Variants in JADE3 observed in about 807,000 individuals in gnomAD.
The protein encoded by JADE3 is jade family PHD finger 3.
JADE3 carries 2 observed loss-of-function variants against 50.1 expected under a neutral mutation model. The ratio of observed to expected loss-of-function variants is 0.04; its 90% CI spans 0.02 to 0.13. The LOEUF is 0.13. Among genes scored for constraint, JADE3 ranks in the 10% least tolerant of loss-of-function variants. The pLI is 1.00. For synonymous variants in JADE3, 218 were observed against 232.9 expected (o/e 0.94, Z 0.58); for missense variants, 475 against 634.4 (o/e 0.75, Z 2.70).
At chrX:46,999,452 A>T (rs1928226993) in intron 4 of JADE3, among the ~76,000 whole-genome samples, 2 of 104,986 alleles carry the variant, frequency 1.9e-5, no homozygotes, top group South Asian at 3.9e-4. Flanking sequence ...TATATATATA[A>T]CATATATATA....
chrX:46,980,000 C>T (rs1927709004), intron 1 of JADE3, among the ~76,000 whole-genome samples: 1 of 106,985 alleles, frequency 9.3e-6, no homozygotes, highest in Non-Finnish European at 1.9e-5. Context: ...ATGCCTCAGC[C>T]TCCCGAGTAG....
chrX:46,980,973 G>C (rs1432364303), intron 1 of JADE3, among the ~76,000 whole-genome samples: 1 of 111,653 alleles, frequency 9.0e-6, no homozygotes, highest in African/African-American at 3.3e-5. Context: ...TGCGATGACA[G>C]AAACAGGATC....
chrX:47,017,083 C>A (rs1556363087), intron 4 of JADE3, among the ~76,000 whole-genome samples: 1 of 111,479 alleles, frequency 9.0e-6, no homozygotes, highest in Admixed American at 9.6e-5. Context: ...ATAGATAGAG[C>A]ACATCCTTTC....
chrX:46,959,702 G>T (rs1927213920), intron 1 of JADE3, among the ~76,000 whole-genome samples: 1 of 110,407 alleles, frequency 9.1e-6, no homozygotes, highest in South Asian at 4.0e-4. Flanking sequence ...GTGATGATGA[G>T]CAGTCCAGAG....
chrX:46,979,225 A>G (rs1398049181), intron 1 of JADE3, among the ~76,000 whole-genome samples: 2 of 112,470 alleles, frequency 1.8e-5, no homozygotes, highest in African/African-American at 6.5e-5. Context: ...TAAAAATGCC[A>G]AATTTTGCCT....
At chrX:47,037,493 C>T (rs1010978969) in intron 7 of JADE3, among the ~76,000 whole-genome samples, 1 of 111,896 alleles carries the variant, frequency 8.9e-6, no homozygotes, top group Non-Finnish European at 1.9e-5. Context: ...GTGTCCATTA[C>T]GGTAACCTTG....
At chrX:47,022,521 G>A (rs951931791) in intron 4 of JADE3, among the ~76,000 whole-genome samples, 5 of 111,756 alleles carry the variant, frequency 4.5e-5, no homozygotes, top group Non-Finnish European at 9.4e-5. Flanking sequence ...TTATAGGGTG[G>A]ACTATGCCTG....
chrX:47,020,479 A>G (rs1230364572), intron 4 of JADE3, among the ~76,000 whole-genome samples: 2 of 111,745 alleles, frequency 1.8e-5, no homozygotes, highest in African/African-American at 6.5e-5. Flanking sequence ...AATCCCAAAC[A>G]TATTTTTTTT....
intron 1 of JADE3, among the ~76,000 whole-genome samples, chrX:46,917,894 TCTCTCTCATC>T (rs1423367361): frequency 8.3e-4 from 86 of 103,676 alleles, no homozygotes; most frequent in East Asian, 7.6e-3. Flanking sequence ...TCATCCTCTC[TCTCTCTCATC>T]CTCTCTCATC....
chrX:46,967,177 T>G (rs1927385875), intron 1 of JADE3, among the ~76,000 whole-genome samples: 1 of 112,408 alleles, frequency 8.9e-6, no homozygotes, highest in Non-Finnish European at 1.9e-5. Context: ...ACCAAGTTAA[T>G]TTATTTGCCT....
intron 1 of JADE3, among the ~76,000 whole-genome samples, chrX:46,923,823 C>G (rs1556338313): frequency 9.0e-6 from 1 of 111,072 alleles, no homozygotes; most frequent in African/African-American, 3.3e-5. Context: ...AACAGCTCTC[C>G]CAGTTGTATT....
intron 6 of JADE3, among the ~76,000 whole-genome samples, chrX:47,031,688 G>A (rs1413131236): frequency 9.1e-6 from 1 of 110,270 alleles, no homozygotes; most frequent in Non-Finnish European, 1.9e-5. Context: ...AGCCTGGGCA[G>A]TATTGCAAAA....
intron 1 of JADE3, among the ~76,000 whole-genome samples, chrX:46,930,925 T>C (rs977188156): frequency 2.7e-5 from 3 of 111,703 alleles, no homozygotes; most frequent in African/African-American, 9.8e-5. Flanking sequence ...GCGCACTACC[T>C]GAATCACATG....
intron 1 of JADE3, among the ~76,000 whole-genome samples, chrX:46,931,127 C>T (rs1331596978): frequency 8.9e-6 from 1 of 111,846 alleles, no homozygotes; most frequent in African/African-American, 3.3e-5. Context: ...GCATCTGGTG[C>T]TTGGTTTATG....
chrX:46,990,787 C>A (rs529640974), intron 3 of JADE3, among the ~76,000 whole-genome samples: 252 of 110,559 alleles, frequency 2.3e-3, no homozygotes, highest in Middle Eastern at 9.2e-3. Flanking sequence ...CCATTACAAT[C>A]ATAATTTAGA....
intron 1 of JADE3, among the ~76,000 whole-genome samples, chrX:46,976,180 G>A (rs1340972040): frequency 9.0e-6 from 1 of 111,628 alleles, no homozygotes; most frequent in Non-Finnish European, 1.9e-5. Context: ...CATTTCAAAA[G>A]TATGTCTCAT....
intron 1 of JADE3, among the ~76,000 whole-genome samples, chrX:46,928,032 A>G (rs1255645435): frequency 1.8e-5 from 2 of 112,144 alleles, no homozygotes; most frequent in East Asian, 2.8e-4. Flanking sequence ...CAGTCCATCA[A>G]CTGTGACAGT....
At chrX:46,949,543 GAGT>G (rs782116560) in intron 1 of JADE3, among the ~76,000 whole-genome samples, 92 of 111,857 alleles carry the variant, frequency 8.2e-4, no homozygotes, top group South Asian at 5.9e-3. Flanking sequence ...CCATTTTGAT[GAGT>G]AGTAGTGGTG....
At chrX:46,955,220 A>G (rs1257273287) in intron 1 of JADE3, among the ~76,000 whole-genome samples, 1 of 112,342 alleles carries the variant, frequency 8.9e-6, no homozygotes, top group Non-Finnish European at 1.9e-5. Flanking sequence ...CAGCCAAAGC[A>G]ACTAGTTTAA....
Sources: gnomAD v4.1 joint callset for allele counts (sites outside exome capture counted in the v4.1 genomes callset) on GRCh38, gnomAD v4.1.1 for gene constraint, MANE v1.5 for transcripts, NCBI Gene and HGNC (gene_info 2026-07-23, HGNC 2026-07-21) for gene names.